Variants in KLHL29 observed in about 807,000 individuals in gnomAD.
The protein encoded by KLHL29 is kelch-like protein 29.
KLHL29 carries 21 observed loss-of-function variants against 80.4 expected under a neutral mutation model. The ratio of observed to expected loss-of-function variants is 0.26; its 90% CI spans 0.19 to 0.38. KLHL29 has a LOEUF of 0.38. Among genes scored for constraint, KLHL29 ranks in the 10% least tolerant of loss-of-function variants. KLHL29 has a pLI of 1.00. For missense variants in KLHL29, 867 were observed against 1,223.9 expected (o/e 0.71, Z 4.35); for synonymous variants, 511 against 526.8 (o/e 0.97, Z 0.41).
In KLHL29 at chr2:23,496,694, C is replaced by T. The variant is rs185019272; in HGVS notation, c.-46+21027C>T. Among the ~76,000 whole-genome samples, 1,115 of 152,344 alleles carry T rather than the reference C, an allele frequency of 7.3e-3. 14 individuals carry two copies. The highest frequency in any genetic ancestry group is 0.026 in the African/African-American group (1,068 of 41,574). On this transcript the variant is annotated intron_variant, in intron 2 of 13. Transcript: ENST00000486442. ...GCCCTAGGGGGCCCAGGGACCACCG[C>T]TGTCTCTGCTTTGGAAATTTCTCTG...
rs562629102 is a variant in KLHL29, at chr2:23,547,617, C to T, written c.-45-14535C>T. On this transcript the variant is annotated intron_variant, in intron 2 of 13. Transcript: ENST00000486442. ...GTAGCAGTAGCAATAGTTGTGACAG[C>T]AGCAGTAGTACTTCTACCGATAGAC... Among the ~76,000 whole-genome samples, 16 of 152,200 alleles carry T rather than the reference C, an allele frequency of 1.1e-4. No homozygotes were observed. The East Asian group carries it at 1.2e-3, about 11-fold the overall frequency.
intron 2 of KLHL29, among the ~76,000 whole-genome samples, chr2:23,544,058 G>A (rs908957960): frequency 5.9e-5 from 9 of 152,198 alleles, no homozygotes; most frequent in African/African-American, 2.2e-4. Context: ...TAAGACCCAG[G>A]GGAATAATTC....
At position 23,696,807 on chromosome 2, in the gene KLHL29, T is replaced by C. The variant is rs1671990159; in HGVS notation, c.2105+294T>C. On this transcript the variant is annotated intron_variant, in intron 11 of 13. Coordinates refer to ENST00000486442, the MANE Select transcript of KLHL29 (RefSeq NM_052920.2). The surrounding 1 kb of genome is among the most constrained non-coding windows in gnomAD (Gnocchi z 5.5). ...GACAAGCTGGAGGCCCAAGATCCAG[T>C]TGCAGAAGGCCTGGGATGAGCCAGA... 1 of 325,402 alleles carries C rather than the reference T, an allele frequency of 3.1e-6. No homozygotes were observed. The highest frequency in any genetic ancestry group is 4.7e-5 in the Admixed American group (1 of 21,254). The allele number at this position is 325,402 out of a possible 1,614,324, so 20.2% of individuals were successfully genotyped here. A position where few individuals can be genotyped will look rare whatever the true frequency, so the allele number is the denominator to read the frequency against.
intron 1 of KLHL29, among the ~76,000 whole-genome samples, chr2:23,399,705 C>T (rs1311341652): frequency 6.6e-6 from 1 of 152,206 alleles, no homozygotes; most frequent in Non-Finnish European, 1.5e-5. Flanking sequence ...TTCATCACCC[C>T]AGAAAGTTCC....
At chr2:23,470,628 T>C (rs1257441777) in intron 1 of KLHL29, among the ~76,000 whole-genome samples, 1 of 152,238 alleles carries the variant, frequency 6.6e-6, no homozygotes, top group African/African-American at 2.4e-5. Flanking sequence ...GCCTGGCTTC[T>C]GCAGACACTG....
intron 1 of KLHL29, among the ~76,000 whole-genome samples, chr2:23,403,060 T>C (rs1666635169): frequency 6.6e-6 from 1 of 151,842 alleles, no homozygotes; most frequent in Non-Finnish European, 1.5e-5. Context: ...ACAAAGAACA[T>C]AGATAAAAAG....
At chr2:23,654,288 G>C (rs1670171809) in intron 5 of KLHL29, among the ~76,000 whole-genome samples, 4 of 152,154 alleles carry the variant, frequency 2.6e-5, no homozygotes, top group African/African-American at 7.2e-5. Flanking sequence ...ACCTGGCCCA[G>C]TTAGCATCCC....
chr2:23,386,317 G>T (rs1464150516), intron 1 of KLHL29, among the ~76,000 whole-genome samples: 2 of 152,158 alleles, frequency 1.3e-5, no homozygotes, highest in Non-Finnish European at 2.9e-5. Context: ...CTCTGATCTC[G>T]CATTTGGGGA....
chr2:23,478,114 T>C (rs1664686171), intron 2 of KLHL29, among the ~76,000 whole-genome samples: 2 of 152,172 alleles, frequency 1.3e-5, no homozygotes, highest in South Asian at 4.2e-4. Flanking sequence ...AACTCAAGTC[T>C]GTCTTCCCTA....
chr2:23,539,001 C>G (rs77484985), intron 2 of KLHL29, among the ~76,000 whole-genome samples: 5,216 of 152,316 alleles, frequency 0.034, 103 homozygotes, highest in African/African-American at 0.062. Context: ...GCAAATTCTG[C>G]AAACTCCTGA....
chr2:23,576,721 G>A (rs888868252), intron 3 of KLHL29, among the ~76,000 whole-genome samples: 7 of 152,218 alleles, frequency 4.6e-5, no homozygotes, highest in Admixed American at 6.5e-5. Flanking sequence ...GCAGAAATTA[G>A]TAACCGCCGC....
In KLHL29 at chr2:23,513,772, G is replaced by A. The variant is rs992549748; in HGVS notation, c.-46+38105G>A. ...CGCTGGGTGCAGGACCCACCGAGGAGGTGTGGACTCTGGCAAGAGGGCCTA... is the reference window on the plus strand; with the variant it reads ...CGCTGGGTGCAGGACCCACCGAGGAAGTGTGGACTCTGGCAAGAGGGCCTA... On this transcript the variant is annotated intron_variant, in intron 2 of 13. Coordinates refer to ENST00000486442, the MANE Select transcript of KLHL29 (RefSeq NM_052920.2). Among the ~76,000 whole-genome samples the A allele has an allele frequency of 7.9e-5, 12 of 152,198 alleles. 1 individual carries two copies. The highest frequency in any genetic ancestry group is 2.9e-4 in the African/African-American group (12 of 41,526).
At chr2:23,534,229 C>T (rs1326620447) in intron 2 of KLHL29, among the ~76,000 whole-genome samples, 2 of 152,126 alleles carry the variant, frequency 1.3e-5, no homozygotes, top group African/African-American at 4.8e-5. Flanking sequence ...CTTTGTGAAC[C>T]TGGGAAGTCA....
intron 3 of KLHL29, among the ~76,000 whole-genome samples, chr2:23,593,978 T>A (rs1668332734): frequency 2.6e-5 from 4 of 152,168 alleles, no homozygotes. Context: ...CCATGTCTTC[T>A]CTGTGAGCCC....
At chr2:23,521,922 T>C (rs1002974183) in intron 2 of KLHL29, among the ~76,000 whole-genome samples, 12 of 152,254 alleles carry the variant, frequency 7.9e-5, no homozygotes, top group Non-Finnish European at 4.4e-5. Context: ...AAGCTCACTA[T>C]GCTTACTAAG....
intron 2 of KLHL29, among the ~76,000 whole-genome samples, chr2:23,527,166 G>C (rs911822438): frequency 1.5e-4 from 23 of 152,128 alleles, no homozygotes; most frequent in Non-Finnish European, 2.5e-4. Context: ...CCCTAGACAC[G>C]GCTCACACGG....
intron 2 of KLHL29, among the ~76,000 whole-genome samples, chr2:23,516,427 G>T (rs1047264995): frequency 6.6e-4 from 101 of 152,038 alleles, no homozygotes; most frequent in African/African-American, 2.3e-3. Context: ...TGCTACACTA[G>T]CCAAGCTCGC....
At chr2:23,471,209 A>G (rs1401250471) in intron 1 of KLHL29, among the ~76,000 whole-genome samples, 5 of 152,198 alleles carry the variant, frequency 3.3e-5, no homozygotes, top group Admixed American at 3.3e-4. Context: ...TTCTGGACCC[A>G]TAATTGGAGA....
At chr2:23,501,787 A>G (rs181643013) in intron 2 of KLHL29, among the ~76,000 whole-genome samples, 70 of 152,260 alleles carry the variant, frequency 4.6e-4, no homozygotes, top group African/African-American at 1.6e-3. Context: ...ATGCGGTTCA[A>G]TCAGTTTTGC....
Sources: allele counts gnomAD v4.1 joint callset (sites outside exome capture counted in the v4.1 genomes callset), GRCh38; gene constraint gnomAD v4.1.1; non-coding constraint Gnocchi (gnomAD v3.1); transcripts MANE v1.5; gene names NCBI Gene and HGNC (gene_info 2026-07-23, HGNC 2026-07-21).